Variants in PXDN observed in about 807,000 individuals in gnomAD.
The protein encoded by PXDN is peroxidasin homolog.
Under a neutral mutation model 140.3 loss-of-function variants are expected in PXDN, and 77 were observed. The observed-to-expected ratio is 0.55, with a 90% CI of 0.46 to 0.66. The LOEUF (loss-of-function observed/expected upper bound fraction) is 0.66, where lower values mean the gene tolerates loss of function less well. PXDN is among the 30% of genes least tolerant of loss of function. The pLI is 0.00. For synonymous variants in PXDN, 911 were observed against 857.4 expected, an observed-to-expected ratio of 1.06 and a Z score of -1.09; for missense variants, 1,838 against 2,039.5, an observed-to-expected ratio of 0.90 and a Z score of 1.90.
chr2:1,717,682 A>C (rs1684925817), intron 1 of PXDN, among the ~76,000 whole-genome samples: 1 of 152,144 alleles, frequency 6.6e-6, no homozygotes, highest in South Asian at 2.1e-4. Context: ...ACTGACCTGC[A>C]GCACAGACAT....
chr2:1,710,053 C>A (rs1474642742), intron 1 of PXDN, among the ~76,000 whole-genome samples: 3 of 152,198 alleles, frequency 2.0e-5, no homozygotes, highest in African/African-American at 7.2e-5. Context: ...GAGGAGCACA[C>A]GCAGCTGCGG....
chr2:1,648,532 C>A lies in PXDN; in HGVS notation c.3248G>T (p.Arg1083Leu), dbSNP rs781648121. The A allele has an allele frequency of 1.2e-6, 2 of 1,613,464 alleles. No homozygotes were observed. The highest frequency in any genetic ancestry group is 1.1e-5 in the South Asian group (1 of 91,066). The change falls in exon 17 of 23, where the codon CGG becomes CTG. Residue 1083 changes from arginine (R) to leucine (L), a missense_variant. Transcript: ENST00000252804. This position sits in a 1 kb window ranked among gnomAD's most constrained non-coding sequence, Gnocchi z 8.9. ...GHTLVNPLLYRLDENFQPIAQ... is the reference protein window; with the variant it reads ...GHTLVNPLLYLLDENFQPIAQ... ...AATGGGCTGGAAGTTCTCGTCCAGCCGGTAAAGCAGTGGGTTGACAAGCGT... is the reference window on the plus strand; with the variant it reads ...AATGGGCTGGAAGTTCTCGTCCAGCAGGTAAAGCAGTGGGTTGACAAGCGT...
At chr2:1,744,533 C>T (rs531435077), upstream of PXDN, 236 of 1,242,736 alleles carry the variant, frequency 1.9e-4, 1 homozygote, top group African/African-American at 3.3e-3. Flanking sequence ...CGGCCGCGGC[C>T]CACGTCCCAG....
intron 7 of PXDN, among the ~76,000 whole-genome samples, chr2:1,677,366 G>A (rs1558504083): frequency 1.3e-5 from 2 of 152,200 alleles, no homozygotes; most frequent in African/African-American, 2.4e-5. Context: ...ACACCTGTGC[G>A]GAGTGGATAC....
At chr2:1,708,407 T>G (rs1225225482) in intron 1 of PXDN, among the ~76,000 whole-genome samples, 1 of 152,160 alleles carries the variant, frequency 6.6e-6, no homozygotes, top group Non-Finnish European at 1.5e-5. Context: ...ACTGAAGGGC[T>G]TTGCTCAATC....
chr2:1,653,941 C>CAAAACA, intron 15 of PXDN, 156 bp from the exon 16 acceptor site: 6 of 877,196 alleles, frequency 6.8e-6, no homozygotes, highest in Non-Finnish European at 8.2e-6. Context: ...TGGGAGGCAA[C>CAAAACA]AAAACAAAAA....
Position 1,732,790 on chromosome 2 carries a change from A to G in PXDN, c.200+11466T>C, listed in dbSNP as rs191222779. On this transcript the variant is annotated intron_variant, in intron 1 of 22. Transcript: ENST00000252804. ...GGATATTACAATCCCTATTGAGAAGATTAAATTATTCAATTAAAACCAACC... is the reference window on the plus strand; with the variant it reads ...GGATATTACAATCCCTATTGAGAAGGTTAAATTATTCAATTAAAACCAACC... Among the ~76,000 whole-genome samples, 739 of 152,348 alleles carry G rather than the reference A, an allele frequency of 4.9e-3. 12 individuals carry two copies. The highest frequency in any genetic ancestry group is 5.7e-3 in the Non-Finnish European group (391 of 68,022).
chr2:1,698,729 T>C (rs1291851745), intron 1 of PXDN, among the ~76,000 whole-genome samples: 1 of 152,152 alleles, frequency 6.6e-6, no homozygotes, highest in African/African-American at 2.4e-5. Context: ...TCCACTTACA[T>C]TCAAGAGTTC....
chr2:1,738,687 C>T (rs1330321472), intron 1 of PXDN, among the ~76,000 whole-genome samples: 1 of 151,978 alleles, frequency 6.6e-6, no homozygotes, highest in African/African-American at 2.4e-5. Context: ...TAGCTGTGAC[C>T]ACAGGTGTGC....
intron 1 of PXDN, among the ~76,000 whole-genome samples, chr2:1,723,067 A>AATGGATGGATGGATGAATAG (rs970026047): frequency 1.6e-4 from 25 of 152,106 alleles, no homozygotes; most frequent in Admixed American, 1.6e-3. Context: ...TGAATGGATT[A>AATGGATGGATGGATGAATAG]ATGGATGGAT....
chr2:1,743,947 T>C (rs973813676), intron 1 of PXDN, among the ~76,000 whole-genome samples: 2 of 151,516 alleles, frequency 1.3e-5, no homozygotes, highest in African/African-American at 2.4e-5. Context: ...CCCCGGAGGC[T>C]CCAACAACTT....
rs932840325 is a variant in PXDN, at chr2:1,633,578, C to T, written c.*626G>A. The T allele has an allele frequency of 3.3e-5, 5 of 151,700 alleles. No homozygotes were observed. Among genetic ancestry groups the T allele is most frequent in the Middle Eastern group, 3.4e-3 (1 of 292 alleles). The allele number at this position is 151,700 out of a possible 1,614,324, so 9.4% of individuals were successfully genotyped here. ...GTGTGGTGAAATGTTACAGAGAGCC[C>T]AGAGGAAGGAGGAGTTCAGAGGTTC... On this transcript the variant is annotated 3_prime_UTR_variant, in exon 23 of 23. Transcript: ENST00000252804.
At chr2:1,642,486 G>A (rs1181750903) in intron 19 of PXDN, among the ~76,000 whole-genome samples, 2 of 152,178 alleles carry the variant, frequency 1.3e-5, no homozygotes, top group Admixed American at 6.5e-5. Context: ...ATTGCCGGGT[G>A]AGGCCGGGAT....
chr2:1,743,661 G>A lies in PXDN; in HGVS notation c.200+595C>T, dbSNP rs1273855897. Among the ~76,000 whole-genome samples, 19 of 139,786 alleles carry A rather than the reference G, an allele frequency of 1.4e-4. No homozygotes were observed. In the East Asian group the frequency reaches 3.5e-3, roughly 26 times the overall value. The allele number at this position is 139,786 out of a possible 152,430, so 91.7% of individuals were successfully genotyped here. The stretch of plus-strand genomic sequence containing the variant: ...GGAGAAGGAAGGGGGGGAGGAGGAG[G>A]GGAAGGGAGGAGGAGGAGGAAGGGG... On this transcript the variant is annotated intron_variant, in intron 1 of 22. Coordinates refer to ENST00000252804, the MANE Select transcript of PXDN (RefSeq NM_012293.3).
chr2:1,678,849 G>A (rs1683793643), intron 7 of PXDN, among the ~76,000 whole-genome samples: 1 of 152,200 alleles, frequency 6.6e-6, no homozygotes, highest in East Asian at 1.9e-4. Flanking sequence ...AAGCAGCGCA[G>A]GCAGGCGGCT....
chr2:1,676,853 G>T, intron 8 of PXDN, 74 bp downstream of exon 8: 2 of 1,365,994 alleles, frequency 1.5e-6, no homozygotes, highest in South Asian at 1.2e-5. Context: ...TTGGTGGGGA[G>T]TGAGGTGTGG....
chr2:1,670,479 G>T (rs1208276821), intron 9 of PXDN, among the ~76,000 whole-genome samples: 1 of 152,134 alleles, frequency 6.6e-6, no homozygotes, highest in Admixed American at 6.5e-5. Context: ...AGCGGATGAC[G>T]AAAAGAGCCA....
rs1189220566 is a variant in PXDN, at chr2:1,666,237, G to T, written c.1268C>A (p.Ala423Asp). 6.2e-7 allele frequency: 1 copy of T among 1,614,046 alleles called. No individual in the cohort carries two copies. The highest frequency in any genetic ancestry group is 8.5e-7 in the Non-Finnish European group (1 of 1,179,880). The change falls in exon 10 of 23, where the codon GCC becomes GAC. Residue 423 changes from alanine to aspartate, a missense_variant. Ala to Asp is a moderately radical substitution (Grantham distance 126, BLOSUM62 -2). Around this residue, in one of 5 missense-constraint regions of PXDN, gnomAD observed 537 missense variants for 583.9 expected, o/e 0.92. Transcript: ENST00000252804. ...ACCCTGGACGATGATGAAAGCGGTG[G>T]CATGGACGCTGTCAATGTTGTTGGT... ...SATNNIDSVH[A>D]TAFIIVQALP...
chr2:1,684,227 T>C (rs1456678506), intron 4 of PXDN, 76 bp from the exon 5 acceptor site: 5 of 1,267,444 alleles, frequency 3.9e-6, no homozygotes, highest in Non-Finnish European at 5.6e-6. Context: ...CAAATTTTTT[T>C]CCTAGTCATT....
Sources: gnomAD v4.1 joint callset for allele counts (sites outside exome capture counted in the v4.1 genomes callset) on GRCh38, gnomAD v4.1.1 for gene constraint, gnomAD v4.1.1 regional missense constraint, Gnocchi (gnomAD v3.1) non-coding constraint, MANE v1.5 for transcripts, NCBI Gene and HGNC (gene_info 2026-07-23, HGNC 2026-07-21) for gene names.